Variants in NEO1 observed in about 807,000 individuals in gnomAD.
NEO1 encodes the protein neogenin 1, also known as neogenin.
Under a neutral mutation model 159.7 loss-of-function variants are expected in NEO1, and 63 were observed. The observed-to-expected ratio is 0.39, with a 90% CI of 0.32 to 0.49. NEO1 has a LOEUF of 0.49. Ranked by LOEUF, NEO1 falls within the 20% of genes least tolerant of loss-of-function variation. The probability of loss-of-function intolerance (pLI) is 0.85; values close to 1 mark genes in which losing one functional copy is unlikely to be tolerated. For missense variants in NEO1, 1,615 were observed against 1,831.0 expected (o/e 0.88, Z 2.15); for synonymous variants, 633 against 662.0 (o/e 0.96, Z 0.67).
At chr15:73,096,673 A>G (rs1417645012) in intron 1 of NEO1, among the ~76,000 whole-genome samples, 1 of 152,200 alleles carries the variant, frequency 6.6e-6, no homozygotes, top group South Asian at 2.1e-4. Context: ...CCCCAGGGCA[A>G]TACTCCTGGT....
chr15:73,207,276 A>C (rs2037294229), intron 7 of NEO1, among the ~76,000 whole-genome samples: 3 of 152,252 alleles, frequency 2.0e-5, no homozygotes, highest in Admixed American at 2.0e-4. Flanking sequence ...TACTATTTGT[A>C]TATATGTTTA....
rs554767427 is a variant in NEO1, at chr15:73,068,226, C to G, written c.130+15421C>G. On this transcript the variant is annotated intron_variant, in intron 1 of 28. Coordinates refer to ENST00000261908, the MANE Select transcript of NEO1 (RefSeq NM_002499.4). ...GTATTTTTGTTTTTGTCCCCCTACC[C>G]CCCCCCCTTTTTTTTTGAGACAGTG... is the stretch of plus-strand genomic sequence containing the variant. Among the ~76,000 whole-genome samples, 44 of 107,784 alleles carry G rather than the reference C, an allele frequency of 4.1e-4. 2 individuals carry two copies. Among genetic ancestry groups the G allele is most frequent in the Non-Finnish European group, 8.3e-4 (37 of 44,500 alleles). The allele number at this position is 107,784 out of a possible 152,430, so 70.7% of individuals were successfully genotyped here. A position where few individuals can be genotyped will look rare whatever the true frequency, so the allele number is the denominator to read the frequency against.
intron 27 of NEO1, among the ~76,000 whole-genome samples, chr15:73,298,876 C>T (rs189709227): frequency 7.9e-5 from 12 of 152,264 alleles, no homozygotes; most frequent in Admixed American, 3.3e-4. Context: ...ATGTGCAGCA[C>T]CTTTGGTGGT....
chr15:73,064,193 A>G (rs1024753271), intron 1 of NEO1, among the ~76,000 whole-genome samples: 23 of 152,320 alleles, frequency 1.5e-4, no homozygotes, highest in African/African-American at 5.1e-4. Context: ...TGTAGACAAC[A>G]TTGTGATACT....
chr15:73,166,293 C>T (rs944993545), intron 5 of NEO1, among the ~76,000 whole-genome samples: 6 of 152,244 alleles, frequency 3.9e-5, no homozygotes, highest in Admixed American at 6.5e-5. Context: ...AGTATGGTGG[C>T]GCCTTAAAAA....
At chr15:73,058,151 A>C (rs2067805743) in intron 1 of NEO1, among the ~76,000 whole-genome samples, 1 of 152,226 alleles carries the variant, frequency 6.6e-6, no homozygotes, top group Non-Finnish European at 1.5e-5. Context: ...ATTATTTAAA[A>C]TGTGTGTGTA....
At chr15:73,252,756 G>A (rs1310106436) in intron 11 of NEO1, among the ~76,000 whole-genome samples, 3 of 152,082 alleles carry the variant, frequency 2.0e-5, no homozygotes, top group Non-Finnish European at 2.9e-5. Flanking sequence ...TTGAGAGGCC[G>A]AGGCAGATGG....
chr15:73,142,712 A>G (rs2032513033), intron 5 of NEO1, among the ~76,000 whole-genome samples: 1 of 152,222 alleles, frequency 6.6e-6, no homozygotes, highest in Admixed American at 6.5e-5. Flanking sequence ...ACCGAAGGAC[A>G]TCTTTCAACT....
chr15:73,293,817 C>T (rs2042250571), intron 26 of NEO1, among the ~76,000 whole-genome samples: 1 of 152,200 alleles, frequency 6.6e-6, no homozygotes, highest in African/African-American at 2.4e-5. Flanking sequence ...TAAACTTGCA[C>T]TTTAACTCAG....
intron 7 of NEO1, among the ~76,000 whole-genome samples, chr15:73,185,489 C>G (rs1268163495): frequency 1.3e-5 from 2 of 152,156 alleles, no homozygotes; most frequent in Non-Finnish European, 2.9e-5. Context: ...ATCAAACTCT[C>G]ACAAGGATGT....
intron 7 of NEO1, among the ~76,000 whole-genome samples, chr15:73,207,729 T>C (rs1441263688): frequency 6.6e-6 from 1 of 152,150 alleles, no homozygotes. Context: ...TTCCCCAGCA[T>C]GTACCATTTT....
chr15:73,279,364 T>TTTTTTTTTTTTTTG (rs2041583446), intron 22 of NEO1, among the ~76,000 whole-genome samples: 1 of 147,098 alleles, frequency 6.8e-6, no homozygotes. Flanking sequence ...TTTTTTTTTT[T>TTTTTTTTTTTTTTG]TTGAGATGGA....
At chr15:73,126,682 CATA>C (rs2030298365) in intron 4 of NEO1, 112 bp downstream of exon 4, 3 of 880,360 alleles carry the variant, frequency 3.4e-6, no homozygotes, top group Non-Finnish European at 5.1e-6. Context: ...TTAAACACAT[CATA>C]ATGCTCATAT....
chr15:73,208,888 TAAAAAC>T (rs1380953407), intron 7 of NEO1, among the ~76,000 whole-genome samples: 1 of 151,806 alleles, frequency 6.6e-6, no homozygotes, highest in Non-Finnish European at 1.5e-5. Flanking sequence ...AAAATAAAAA[TAAAAAC>T]AAAAAACCTT....
chr15:73,101,822 C>T (rs1255794015), intron 1 of NEO1, among the ~76,000 whole-genome samples: 3 of 152,158 alleles, frequency 2.0e-5, no homozygotes, highest in Non-Finnish European at 4.4e-5. Context: ...AGTCTTTCTA[C>T]TGGTTCTTTC....
At position 73,086,149 on chromosome 15, in the gene NEO1, AT is replaced by A. The variant is rs142102786; in HGVS notation, c.131-30390del. ...TCAAGATTTTCTTTTGCATATGGAT[AT>A]CCAGTTGTTCCAACCTTGTTTGTTG... is the stretch of plus-strand genomic sequence containing the variant. On this transcript the variant is annotated intron_variant, in intron 1 of 28. Transcript: ENST00000261908. 8.6e-3 allele frequency among the ~76,000 whole-genome samples: 1,313 copies of A among 152,342 alleles called. 22 individuals are homozygous for A. Among genetic ancestry groups the A allele is most frequent in the African/African-American group, 0.03 (1,238 of 41,584 alleles).
At chr15:73,178,766 T>C (rs879569791) in intron 7 of NEO1, among the ~76,000 whole-genome samples, 1 of 152,178 alleles carries the variant, frequency 6.6e-6, no homozygotes, top group South Asian at 2.1e-4. Context: ...TATACACTTT[T>C]ATTAATACAC....
chr15:73,273,673 A>G, intron 19 of NEO1, 138 bp from the exon 20 acceptor site: 1 of 652,048 alleles, frequency 1.5e-6, no homozygotes. Context: ...GAATTATTTT[A>G]ATTGTAGACC....
chr15:73,111,938 G>C (rs979284839), intron 1 of NEO1, among the ~76,000 whole-genome samples: 6 of 152,052 alleles, frequency 3.9e-5, no homozygotes, highest in African/African-American at 1.4e-4. Flanking sequence ...CCCAGCCAAT[G>C]TAGTATTTAT....
Sources: allele counts gnomAD v4.1 joint callset (sites outside exome capture counted in the v4.1 genomes callset), GRCh38; gene constraint gnomAD v4.1.1; transcripts MANE v1.5; gene names NCBI Gene and HGNC (gene_info 2026-07-23, HGNC 2026-07-21).